RICTOR: variants seen among roughly 807,000 people sequenced by gnomAD.
RICTOR encodes the protein rapamycin-insensitive companion of mTOR.
A neutral mutation model predicts 214.9 loss-of-function variants in RICTOR; 49 were observed. The ratio of observed to expected loss-of-function variants is 0.23; its 90% CI spans 0.18 to 0.29. The LOEUF (loss-of-function observed/expected upper bound fraction) is 0.29, where lower values mean the gene tolerates loss of function less well. Ranked by LOEUF, RICTOR falls within the 10% of genes least tolerant of loss-of-function variation. RICTOR has a pLI of 1.00. For missense variants in RICTOR, 1,625 were observed against 2,047.0 expected (o/e 0.79, Z 3.98); for synonymous variants, 717 against 711.3 (o/e 1.01, Z -0.13).
chr5:39,032,525 C>T (rs1756348472), intron 2 of RICTOR, among the ~76,000 whole-genome samples: 1 of 152,112 alleles, frequency 6.6e-6, no homozygotes, highest in Non-Finnish European at 1.5e-5. Flanking sequence ...TCACATCATG[C>T]TAACAACAAG....
chr5:38,980,011 T>A (rs1189357002), intron 8 of RICTOR, among the ~76,000 whole-genome samples: 1 of 152,254 alleles, frequency 6.6e-6, no homozygotes, highest in Admixed American at 6.5e-5. Context: ...AGTTTACTAA[T>A]AACATCTTCC....
At chr5:38,990,887 T>G in intron 7 of RICTOR, 62 bp downstream of exon 7, 1 of 921,020 alleles carries the variant, frequency 1.1e-6, no homozygotes, top group East Asian at 2.8e-5. Flanking sequence ...GATATATATA[T>G]CTCAAATGTT....
chr5:39,053,785 G>A (rs988645173), intron 2 of RICTOR, among the ~76,000 whole-genome samples: 4 of 149,052 alleles, frequency 2.7e-5, no homozygotes, highest in Admixed American at 6.6e-5. Flanking sequence ...CCAGCTACTC[G>A]GGAGGCTGAG....
Position 38,939,840 on chromosome 5 carries a change from C to T in RICTOR, c.*2464G>A, listed in dbSNP as rs944296276. 1.3e-5 allele frequency: 3 copies of T among 223,788 alleles called. No individual in the cohort carries two copies. The highest frequency in any genetic ancestry group is 6.7e-5 in the African/African-American group (3 of 44,800). 13.9% of individuals were successfully genotyped at this position (223,788 alleles called of 1,614,324 possible). A position where few individuals can be genotyped will look rare whatever the true frequency, so the allele number is the denominator to read the frequency against. On this transcript the variant is annotated 3_prime_UTR_variant, in exon 38 of 38. Transcript: ENST00000357387. ...CAATTATTTCTATTACTGCTGATAT[C>T]ATTCCTAACCTCTTCTGCTATAATT... is the stretch of plus-strand genomic sequence containing the variant.
chr5:39,020,911 C>T, intron 3 of RICTOR, 128 bp downstream of exon 3: 1 of 617,298 alleles, frequency 1.6e-6, no homozygotes, highest in East Asian at 2.7e-5. Flanking sequence ...CCATGAGAAG[C>T]AGGAAAGAAA....
intron 35 of RICTOR, 46 bp downstream of exon 35, chr5:38,944,867 A>G (rs1406277826): frequency 2.6e-6 from 4 of 1,559,348 alleles, no homozygotes; most frequent in Admixed American, 1.7e-5. Context: ...CCAACTAATC[A>G]GAACAGTTTT....
chr5:39,059,768 T>C (rs959377849), intron 2 of RICTOR, among the ~76,000 whole-genome samples: 1 of 152,128 alleles, frequency 6.6e-6, no homozygotes, highest in Non-Finnish European at 1.5e-5. Context: ...CTCTCCATTC[T>C]CATCTCTTTT....
At chr5:39,050,256 T>C (rs957935796) in intron 2 of RICTOR, among the ~76,000 whole-genome samples, 1 of 151,820 alleles carries the variant, frequency 6.6e-6, no homozygotes, top group East Asian at 1.9e-4. Context: ...GTACTCTAAG[T>C]ATCTGTAAAA....
intron 6 of RICTOR, among the ~76,000 whole-genome samples, chr5:38,993,908 C>T (rs1301860496): frequency 6.6e-6 from 1 of 152,132 alleles, no homozygotes; most frequent in Non-Finnish European, 1.5e-5. Context: ...ATTGGCCAGG[C>T]GCGGTGGCTC....
chr5:38,990,226 G>A (rs887816554), intron 7 of RICTOR, among the ~76,000 whole-genome samples: 3 of 151,978 alleles, frequency 2.0e-5, no homozygotes, highest in Non-Finnish European at 2.9e-5. Flanking sequence ...ATCATTCTCA[G>A]CAAAATAACA....
At chr5:38,949,494 T>C in intron 31 of RICTOR, 1 of 1,402,080 alleles carries the variant, frequency 7.1e-7, no homozygotes, top group South Asian at 1.3e-5. Context: ...AGCATGTATG[T>C]TTATTTTCAG....
chr5:39,012,788 C>T (rs1013787543), intron 3 of RICTOR, among the ~76,000 whole-genome samples: 2 of 152,072 alleles, frequency 1.3e-5, no homozygotes, highest in Non-Finnish European at 2.9e-5. Flanking sequence ...AATTATTAGA[C>T]ACCACACTTT....
Position 38,975,590 on chromosome 5 carries a change from GCTTCTCTGT to G in RICTOR, c.827_835del (p.Asp276_Glu278del). On this transcript the variant is annotated inframe_deletion, in exon 10 of 38. Coordinates refer to ENST00000357387, the MANE Select transcript of RICTOR (RefSeq NM_152756.5). ...TCCCATTTTACTGGCTAGAAATCGTGCTTCTCTGTCTTCTCTGTTGGGGGTGGGGAGGCA... is the reference window on the plus strand; with the variant it reads ...TCCCATTTTACTGGCTAGAAATCGTGCTTCTCTGTTGGGGGTGGGGAGGCA... 6.2e-7 allele frequency: 1 copy of G among 1,613,676 alleles called. No individual in the cohort carries two copies. The highest frequency in any genetic ancestry group is 2.2e-5 in the East Asian group (1 of 44,852).
intron 32 of RICTOR, among the ~76,000 whole-genome samples, chr5:38,946,754 C>T (rs958104939): frequency 6.6e-6 from 1 of 152,088 alleles, no homozygotes; most frequent in African/African-American, 2.4e-5. Flanking sequence ...ACTAAATGGA[C>T]ATTAATTATT....
At chr5:39,052,443 A>T (rs889210853) in intron 2 of RICTOR, among the ~76,000 whole-genome samples, 1 of 152,078 alleles carries the variant, frequency 6.6e-6, no homozygotes, top group African/African-American at 2.4e-5. Context: ...ACAAATACTT[A>T]TTTTTCACTT....
chr5:38,973,442 A>T (rs1750950540), intron 10 of RICTOR, among the ~76,000 whole-genome samples: 1 of 152,218 alleles, frequency 6.6e-6, no homozygotes, highest in African/African-American at 2.4e-5. Flanking sequence ...CAGATATATA[A>T]TACAGCAAAT....
At chr5:38,977,865 G>A (rs1409233198) in intron 9 of RICTOR, among the ~76,000 whole-genome samples, 2 of 151,972 alleles carry the variant, frequency 1.3e-5, no homozygotes, top group Non-Finnish European at 2.9e-5. Flanking sequence ...AGGATTACAG[G>A]AATCACTATT....
chr5:39,011,304 C>G (rs903224666), intron 3 of RICTOR, among the ~76,000 whole-genome samples: 3 of 152,164 alleles, frequency 2.0e-5, no homozygotes, highest in African/African-American at 4.8e-5. Flanking sequence ...GAACCTCCAT[C>G]TAGATTTCAG....
intron 2 of RICTOR, among the ~76,000 whole-genome samples, chr5:39,053,778 G>C (rs957726473): frequency 3.3e-5 from 5 of 149,266 alleles, no homozygotes; most frequent in Admixed American, 2.0e-4. Flanking sequence ...TGTAGTCCCA[G>C]CTACTCGGGA....
Sources: allele counts gnomAD v4.1 joint callset (sites outside exome capture counted in the v4.1 genomes callset), GRCh38; gene constraint gnomAD v4.1.1; transcripts MANE v1.5; gene names NCBI Gene and HGNC (gene_info 2026-07-23, HGNC 2026-07-21).